The following FAM227B variants were observed in gnomAD, a reference collection of about 807,000 sequenced individuals.
FAM227B encodes the protein family with sequence similarity 227 member B.
FAM227B carries 88 observed loss-of-function variants against 73.8 expected under a neutral mutation model. That is an observed-to-expected ratio of 1.19 (90% CI 1.00 to 1.42). FAM227B has a LOEUF of 1.42. FAM227B is among the 40% of genes most tolerant of loss of function. The probability of loss-of-function intolerance (pLI) is 0.00; values close to 1 mark genes in which losing one functional copy is unlikely to be tolerated. For missense variants in FAM227B, 632 were observed against 590.9 expected (o/e 1.07, Z -0.72); for synonymous variants, 210 against 190.5 (o/e 1.10, Z -0.84).
intron 15 of FAM227B, 113 bp from the exon 16 acceptor site, chr15:49,328,788 T>G (rs2037997109): frequency 7.4e-7 from 1 of 1,349,626 alleles, no homozygotes; most frequent in South Asian, 1.7e-5. Context: ...TTTTTTTTTT[T>G]TGACAAAAGG....
At chr15:49,499,790 T>C (rs1033217817) in intron 11 of FAM227B, among the ~76,000 whole-genome samples, 1 of 152,106 alleles carries the variant, frequency 6.6e-6, no homozygotes, top group African/African-American at 2.4e-5. Flanking sequence ...CAACAAATGG[T>C]GCTAAAGCAA....
chr15:49,383,167 A>G (rs988499981), intron 11 of FAM227B, among the ~76,000 whole-genome samples: 3 of 152,160 alleles, frequency 2.0e-5, no homozygotes, highest in South Asian at 2.1e-4. Flanking sequence ...TAGAAAAAAT[A>G]TATGTATAGG....
chr15:49,454,406 A>G (rs2053072956), intron 11 of FAM227B, among the ~76,000 whole-genome samples: 1 of 152,146 alleles, frequency 6.6e-6, no homozygotes, highest in Admixed American at 6.5e-5. Flanking sequence ...CCTGGTAATA[A>G]TAAGAGCCAA....
intron 11 of FAM227B, among the ~76,000 whole-genome samples, chr15:49,507,824 G>A (rs912133952): frequency 2.6e-5 from 4 of 151,576 alleles, no homozygotes; most frequent in Non-Finnish European, 5.9e-5. Context: ...AATACAGGTA[G>A]GTATTTTTAT....
chr15:49,499,168 A>G, intron 11 of FAM227B, among the ~76,000 whole-genome samples: 1 of 139,350 alleles, frequency 7.2e-6, no homozygotes, highest in East Asian at 2.1e-4. Flanking sequence ...TCCGTCTCAA[A>G]AAAAAAAAAA....
chr15:49,571,737 T>C (rs1219717250), intron 8 of FAM227B, among the ~76,000 whole-genome samples: 2 of 152,020 alleles, frequency 1.3e-5, no homozygotes, highest in Non-Finnish European at 2.9e-5. Context: ...TCTGCTTTTT[T>C]TGGTTACTAC....
At position 49,328,607 on chromosome 15, in the gene FAM227B, T is replaced by C; in HGVS notation, c.1488A>G (p.Ser496=). ...SLSSSSSSSP[S]STDNYNFEEE... ...CCTCAAAGTTGTAGTTGTCTGTTGA[T>C]GATGGTGATGATGATGATGATGACG... The change falls in exon 16 of 16, where the codon TCA becomes TCG. Residue 496 remains serine, a synonymous_variant. Transcript: ENST00000299338. The C allele has an allele frequency of 6.3e-7, 1 of 1,592,304 alleles. No homozygotes were observed. The highest frequency in any genetic ancestry group is 8.6e-7 in the Non-Finnish European group (1 of 1,165,930).
At chr15:49,498,703 T>C (rs1424064615) in intron 11 of FAM227B, among the ~76,000 whole-genome samples, 2 of 152,168 alleles carry the variant, frequency 1.3e-5, no homozygotes, top group African/African-American at 4.8e-5. Flanking sequence ...CAAGACCCAA[T>C]AGTCTGCTAT....
intron 10 of FAM227B, among the ~76,000 whole-genome samples, chr15:49,534,806 A>C (rs543312504): frequency 6.6e-6 from 1 of 151,846 alleles, no homozygotes; most frequent in African/African-American, 2.4e-5. Flanking sequence ...GAATGTGGGA[A>C]AATTAAAAAA....
chr15:49,344,001 G>A (rs965702691), intron 13 of FAM227B: 1 of 152,192 alleles, frequency 6.6e-6, no homozygotes. Context: ...ATTCTGCATA[G>A]TAATATTTTT....
At chr15:49,412,605 A>C (rs925009485) in intron 11 of FAM227B, among the ~76,000 whole-genome samples, 1 of 152,084 alleles carries the variant, frequency 6.6e-6, no homozygotes, top group Non-Finnish European at 1.5e-5. Flanking sequence ...ATCAAAGAAT[A>C]AATCAGTTTT....
At chr15:49,559,645 T>C (rs2074070741) in intron 9 of FAM227B, among the ~76,000 whole-genome samples, 1 of 152,076 alleles carries the variant, frequency 6.6e-6, no homozygotes, top group Admixed American at 6.5e-5. Flanking sequence ...ATAAGAATTC[T>C]GACACTATAG....
At chr15:49,593,305 C>T (rs1208111405) in intron 3 of FAM227B, among the ~76,000 whole-genome samples, 4 of 152,098 alleles carry the variant, frequency 2.6e-5, no homozygotes, top group African/African-American at 7.2e-5. Context: ...TGTTCCTATT[C>T]GGCCATTTTG....
intron 10 of FAM227B, among the ~76,000 whole-genome samples, chr15:49,521,319 G>A (rs900865372): frequency 6.6e-6 from 1 of 152,218 alleles, no homozygotes; most frequent in Non-Finnish European, 1.5e-5. Context: ...AAAAGGGGCA[G>A]TGCAGCCCAT....
At chr15:49,589,705 G>T (rs2076410039) in intron 4 of FAM227B, 71 bp downstream of exon 4, 3 of 1,002,386 alleles carry the variant, frequency 3.0e-6, no homozygotes, top group Admixed American at 2.4e-5. Context: ...TTGAGGCCAA[G>T]ATTTGGAGAC....
chr15:49,391,992 C>T (rs1263087564), intron 11 of FAM227B, among the ~76,000 whole-genome samples: 1 of 151,986 alleles, frequency 6.6e-6, no homozygotes, highest in Non-Finnish European at 1.5e-5. Flanking sequence ...CAAGCAGACC[C>T]ACATGTGGTT....
intron 10 of FAM227B, among the ~76,000 whole-genome samples, chr15:49,513,772 A>G (rs184399168): frequency 1.8e-4 from 28 of 152,008 alleles, no homozygotes; most frequent in Non-Finnish European, 2.8e-4. Context: ...TTATATTTTT[A>G]TATAAGGTAT....
chr15:49,544,429 G>A (rs935837635), intron 9 of FAM227B, among the ~76,000 whole-genome samples: 2 of 152,172 alleles, frequency 1.3e-5, no homozygotes, highest in African/African-American at 4.8e-5. Context: ...GGGTTTTCTA[G>A]GTATACAATC....
intron 3 of FAM227B, among the ~76,000 whole-genome samples, chr15:49,598,889 A>T (rs193009024): frequency 8.7e-4 from 132 of 152,170 alleles, no homozygotes; most frequent in Admixed American, 5.1e-3. Flanking sequence ...ATTCATCATA[A>T]GAGATAATGG....
Sources: gnomAD v4.1 joint callset for allele counts (sites outside exome capture counted in the v4.1 genomes callset) on GRCh38, gnomAD v4.1.1 for gene constraint, MANE v1.5 for transcripts, NCBI Gene and HGNC (gene_info 2026-07-23, HGNC 2026-07-21) for gene names.